The following PKHD1 variants were observed in gnomAD, a reference collection of about 807,000 sequenced individuals.
PKHD1 encodes PKHD1 ciliary IPT domain containing fibrocystin/polyductin.
PKHD1 carries 291 observed loss-of-function variants against 412.0 expected under a neutral mutation model. The ratio of observed to expected loss-of-function variants is 0.71; its 90% CI spans 0.64 to 0.78. The LOEUF (loss-of-function observed/expected upper bound fraction) is 0.78. PKHD1 is among the 30% of genes least tolerant of loss of function. PKHD1 has a pLI of 0.00. For missense variants in PKHD1, 4,825 were observed against 4,950.7 expected, an observed-to-expected ratio of 0.97 and a Z score of 0.76; for synonymous variants, 1,777 against 1,821.5, an observed-to-expected ratio of 0.98 and a Z score of 0.62.
chr6:52,047,033 C>G (rs1805954255), intron 23 of PKHD1, among the ~76,000 whole-genome samples: 1 of 152,216 alleles, frequency 6.6e-6, no homozygotes, highest in South Asian at 2.1e-4. Context: ...AAATTGTTAT[C>G]CTTTTACAAA....
intron 33 of PKHD1, among the ~76,000 whole-genome samples, chr6:52,020,927 TAC>T (rs1180348926): frequency 9.7e-4 from 142 of 146,514 alleles, no homozygotes; most frequent in Admixed American, 8.8e-3. Flanking sequence ...AAAAAAAAAA[TAC>T]ACAGTCATAC....
In PKHD1 at chr6:51,870,177, CA is replaced by C. The variant is rs538291696; in HGVS notation, c.7486+326del. Among the ~76,000 whole-genome samples, 13 of 152,284 alleles carry C rather than the reference CA, an allele frequency of 8.5e-5. No homozygotes were observed. In the South Asian group the frequency reaches 2.7e-3, roughly 32 times the overall value. On this transcript the variant is annotated intron_variant, in intron 47 of 66. Transcript: ENST00000371117. Reference sequence around the variant, plus strand: ...TTTAATCAATAAACTGCCTACTAGGCATCTGGCTCTGTGCTAGCTACTAATA... The same window carrying C: ...TTTAATCAATAAACTGCCTACTAGGCTCTGGCTCTGTGCTAGCTACTAATA...
intron 60 of PKHD1, among the ~76,000 whole-genome samples, chr6:51,736,961 T>G (rs978783780): frequency 1.3e-5 from 2 of 152,216 alleles, no homozygotes; most frequent in African/African-American, 2.4e-5. Flanking sequence ...TTCCCCATTA[T>G]TCAGTTAGAA....
chr6:51,902,884 T>C (rs1009640308), intron 43 of PKHD1, among the ~76,000 whole-genome samples: 2 of 152,226 alleles, frequency 1.3e-5, no homozygotes, highest in Non-Finnish European at 2.9e-5. Flanking sequence ...TCAAGGTTAT[T>C]GAAGTGGACT....
intron 60 of PKHD1, among the ~76,000 whole-genome samples, chr6:51,735,029 T>C (rs996244542): frequency 6.6e-6 from 1 of 152,182 alleles, no homozygotes; most frequent in Non-Finnish European, 1.5e-5. Flanking sequence ...AAATGAGTTT[T>C]TTTGTGGTTG....
At chr6:51,828,380 GA>G (rs200455611) in intron 52 of PKHD1, among the ~76,000 whole-genome samples, 8,157 of 151,130 alleles carry the variant, frequency 0.054, 224 homozygotes, top group South Asian at 0.072. Flanking sequence ...AGAATTATAT[GA>G]AAAAAAAATC....
intron 52 of PKHD1, among the ~76,000 whole-genome samples, chr6:51,826,142 T>C (rs1767270388): frequency 1.3e-5 from 2 of 152,188 alleles, no homozygotes; most frequent in Admixed American, 1.3e-4. Flanking sequence ...TTGCTTCATA[T>C]CACCAACCTA....
chr6:51,630,157 A>C (rs937653956), intron 65 of PKHD1, among the ~76,000 whole-genome samples: 9 of 152,208 alleles, frequency 5.9e-5, no homozygotes, highest in African/African-American at 2.2e-4. Context: ...AACAAAGTAC[A>C]AAAAGGCCAT....
chr6:51,926,194 C>T (rs1785586858), intron 37 of PKHD1, among the ~76,000 whole-genome samples: 1 of 152,060 alleles, frequency 6.6e-6, no homozygotes, highest in South Asian at 2.1e-4. Flanking sequence ...AAGAGGCATT[C>T]CCTTTCATCT....
chr6:51,902,227 A>T (rs374936274), intron 43 of PKHD1, among the ~76,000 whole-genome samples: 1 of 152,188 alleles, frequency 6.6e-6, no homozygotes, highest in African/African-American at 2.4e-5. Context: ...CAGACATAGA[A>T]AGGGCACATA....
In PKHD1 at chr6:51,998,708, C is replaced by A. The variant is rs9689034; in HGVS notation, c.5751+11601G>T. Among the ~76,000 whole-genome samples the A allele has an allele frequency of 6.2e-3, 947 of 151,968 alleles. 16 individuals carry two copies. Among genetic ancestry groups the A allele is most frequent in the African/African-American group, 0.021 (877 of 41,432 alleles). Reference sequence around the variant, plus strand: ...TTTTTCCCTTTTTTTAATGTATATACCCTTCAGGGTAGTTTATTCCCTCAT... The same window carrying A: ...TTTTTCCCTTTTTTTAATGTATATAACCTTCAGGGTAGTTTATTCCCTCAT... On this transcript the variant is annotated intron_variant, in intron 35 of 66. Transcript: ENST00000371117.
intron 63 of PKHD1, among the ~76,000 whole-genome samples, chr6:51,639,841 G>A (rs1313498127): frequency 1.3e-5 from 2 of 152,168 alleles, no homozygotes; most frequent in South Asian, 2.1e-4. Context: ...AGATCTCTAA[G>A]GCTGAAATGT....
rs779131341 is a variant in PKHD1 at position 52,062,587 on chromosome 6, G to C, written c.1050C>G (p.Tyr350Ter). Residue 350 changes from tyrosine to a stop codon, truncating the protein, a stop_gained, in exon 14 of 67, where the codon TAC becomes TAG. Coordinates refer to ENST00000371117, the MANE Select transcript of PKHD1 (RefSeq NM_138694.4). LOFTEE classifies it high-confidence loss of function. The stretch of plus-strand genomic sequence containing the variant: ...TGGCATTAGGGACAATCTGCCACCT[G>C]TACCCTGGGGTGGCTTCAGTCAGTT... ...GLELTEATPG[Y>*]RWQIVPNASS... 6.2e-7 allele frequency: 1 copy of C among 1,613,832 alleles called. No individual in the cohort carries two copies. Among genetic ancestry groups the C allele is most frequent in the South Asian group, 1.1e-5 (1 of 91,080 alleles).
At position 52,060,012 on chromosome 6, in the gene PKHD1, T is replaced by C. The variant is rs772759635; in HGVS notation, c.1149A>G (p.Pro383=). The change falls in exon 15 of 67, where the codon CCA becomes CCG. Residue 383 remains proline, a synonymous_variant. Coordinates refer to ENST00000371117, the MANE Select transcript of PKHD1 (RefSeq NM_138694.4). The stretch of plus-strand genomic sequence containing the variant: ...TCCAGAAAGTGTAATTATTTGTCTC[T>C]GGAGCCACAAAGAACCCACTGAGCC... ...RARLSGFFVA[P]ETNNYTFWIQ... is the part of the protein sequence containing the mutation. 2 of 1,610,490 alleles carry C rather than the reference T, an allele frequency of 1.2e-6. No individual in the cohort carries two copies. Among genetic ancestry groups the C allele is most frequent in the Non-Finnish European group, 8.5e-7 (1 of 1,176,858 alleles).
chr6:52,059,093 A>G lies in PKHD1; in HGVS notation c.1234-492T>C, dbSNP rs4409172. ...TAAAGGCATCTTTTCTTATCCTTCAATGTTGTTGAGGAATTCCTACATACA... is the reference window on the plus strand; with the variant it reads ...TAAAGGCATCTTTTCTTATCCTTCAGTGTTGTTGAGGAATTCCTACATACA... On this transcript the variant is annotated intron_variant, in intron 15 of 66. Coordinates refer to ENST00000371117, the MANE Select transcript of PKHD1 (RefSeq NM_138694.4). Among the ~76,000 whole-genome samples, 470 of 152,202 alleles carry G rather than the reference A, an allele frequency of 3.1e-3. 4 individuals are homozygous for G. The highest frequency in any genetic ancestry group is 0.011 in the African/African-American group (436 of 41,510).
rs1554198717 is a variant in PKHD1 at position 52,025,393 on chromosome 6, G to A, written c.4417C>T (p.Gln1473Ter). ...VLVNGLTSEC[Q>*]GNCTLFIREE... ...CTTATGAAAAGAGTGCAATTCCCCT[G>A]ACACTCGCTGGTTAGCCCATTGACC... The change falls in exon 32 of 67, where the codon CAG (glutamine) becomes TAG (stop). Residue 1473 changes from glutamine (Q) to a stop codon, truncating the protein, a stop_gained. Coordinates refer to ENST00000371117, the MANE Select transcript of PKHD1 (RefSeq NM_138694.4). LOFTEE classifies it high-confidence loss of function. The A allele has an allele frequency of 6.2e-7, 1 of 1,611,304 alleles. No individual in the cohort carries two copies. The highest frequency in any genetic ancestry group is 8.5e-7 in the Non-Finnish European group (1 of 1,177,910).
intron 52 of PKHD1, among the ~76,000 whole-genome samples, chr6:51,806,695 G>GT (rs34943514): frequency 2.6e-5 from 4 of 151,514 alleles, no homozygotes; most frequent in African/African-American, 4.9e-5. Context: ...ATAGATGAGG[G>GT]TTTTTTTTTA....
intron 35 of PKHD1, among the ~76,000 whole-genome samples, chr6:51,993,230 A>G (rs1423459360): frequency 6.6e-6 from 1 of 152,210 alleles, no homozygotes; most frequent in Non-Finnish European, 1.5e-5. Flanking sequence ...TCTGAAGGCA[A>G]AGGCTGCCTG....
At position 51,755,001 on chromosome 6, in the gene PKHD1, C is replaced by T; in HGVS notation, c.8643-63G>A. ...GTGCAGCACAAATCATCTATTAACTCCAGAGCAAGAAAAGGAAATCCACTG... is the reference window on the plus strand; with the variant it reads ...GTGCAGCACAAATCATCTATTAACTTCAGAGCAAGAAAAGGAAATCCACTG... On this transcript the variant is annotated intron_variant, in intron 55 of 66. Transcript: ENST00000371117. 2.9e-6 allele frequency: 4 copies of T among 1,398,350 alleles called. No homozygotes were observed. In the South Asian group the frequency reaches 3.5e-5, roughly 12 times the overall value. 86.6% of individuals were successfully genotyped at this position (1,398,350 alleles called of 1,614,324 possible).
Sources: gnomAD v4.1 joint callset for allele counts (sites outside exome capture counted in the v4.1 genomes callset) on GRCh38, gnomAD v4.1.1 for gene constraint, MANE v1.5 for transcripts, NCBI Gene and HGNC (gene_info 2026-07-23, HGNC 2026-07-21) for gene names.